Variants in TRPC3 observed in about 807,000 individuals in gnomAD.
TRPC3 encodes the protein short transient receptor potential channel 3.
Under a neutral mutation model 90.9 loss-of-function variants are expected in TRPC3, and 54 were observed. That is an observed-to-expected ratio of 0.59 (90% confidence interval 0.48 to 0.75). The LOEUF (loss-of-function observed/expected upper bound fraction) is 0.75, where lower values mean the gene tolerates loss of function less well. Among genes scored for constraint, TRPC3 ranks in the 30% least tolerant of loss-of-function variants. TRPC3 has a pLI of 0.00. For synonymous variants in TRPC3, 424 were observed against 450.9 expected, an observed-to-expected ratio of 0.94 and a Z score of 0.75; for missense variants, 918 against 1,194.5, an observed-to-expected ratio of 0.77 and a Z score of 3.41.
chr4:121,877,418 C>G lies in TRPC3; in HGVS notation c.*2318G>C, dbSNP rs1578587329. The stretch of plus-strand genomic sequence containing the variant: ...CTGAATAGTTGGCCCCATCTTGAGA[C>G]AAGGGGCCAGCCCTTTGTGCCCCCA... On this transcript the variant is annotated 3_prime_UTR_variant, in exon 12 of 12. Coordinates refer to ENST00000379645, the MANE Select transcript of TRPC3 (RefSeq NM_001130698.2). Among the ~76,000 whole-genome samples the G allele has an allele frequency of 6.6e-6, 1 of 152,176 alleles. No individual in the cohort carries two copies. Among genetic ancestry groups the G allele is most frequent in the African/African-American group, 2.4e-5 (1 of 41,448 alleles).
At chr4:121,938,205 C>T (rs1560717028) in intron 1 of TRPC3, among the ~76,000 whole-genome samples, 1 of 152,064 alleles carries the variant, frequency 6.6e-6, no homozygotes, top group Non-Finnish European at 1.5e-5. Context: ...TTCCTAGATC[C>T]CATCCTCTCA....
chr4:121,949,730 A>G (rs1730619487), intron 1 of TRPC3, among the ~76,000 whole-genome samples: 1 of 152,186 alleles, frequency 6.6e-6, no homozygotes, highest in Admixed American at 6.5e-5. Flanking sequence ...CCTCTACAAA[A>G]TAAGTATACC....
chr4:121,932,502 C>T lies in TRPC3; in HGVS notation c.756G>A (p.Leu252=), dbSNP rs1729976092. The T allele has an allele frequency of 1.2e-6, 2 of 1,614,228 alleles. No individual in the cohort carries two copies. The highest frequency in any genetic ancestry group is 1.7e-6 in the Non-Finnish European group (2 of 1,180,040). ...HCQKYEVVHM[L]LMKGARIERP... Reference sequence around the variant, plus strand: ...GCTCGATCCTGGCACCCTTCATCAGCAGCATGTGCACCACTTCGTATTTCT... The same window carrying T: ...GCTCGATCCTGGCACCCTTCATCAGTAGCATGTGCACCACTTCGTATTTCT... Residue 252 remains leucine, a synonymous_variant, in exon 2 of 12, where the codon CTG becomes CTA. Coordinates refer to ENST00000379645, the MANE Select transcript of TRPC3 (RefSeq NM_001130698.2). This position sits in a 1 kb window ranked among gnomAD's most constrained non-coding sequence, Gnocchi z 7.7.
rs1362373950 is a variant in TRPC3, at chr4:121,877,890, C to G, written c.*1846G>C. 6.6e-6 allele frequency among the ~76,000 whole-genome samples: 1 copy of G among 151,870 alleles called. No homozygotes were observed. The highest frequency in any genetic ancestry group is 1.5e-5 in the Non-Finnish European group (1 of 68,000). ...TTCCAAGAATCTTAGGCTGAATGTC[C>G]CCAGCTGAATCTGCCACTTTTTCAT... On this transcript the variant is annotated 3_prime_UTR_variant, in exon 12 of 12. Transcript: ENST00000379645.
intron 2 of TRPC3, among the ~76,000 whole-genome samples, chr4:121,927,889 G>T (rs950418667): frequency 6.6e-6 from 1 of 152,174 alleles, no homozygotes; most frequent in African/African-American, 2.4e-5. Context: ...ATATCCATCT[G>T]CTTTCCATTC....
Position 121,932,243 on chromosome 4 carries a change from A to G in TRPC3, c.987+28T>C. On this transcript the variant is annotated intron_variant, in intron 2 of 11. Transcript: ENST00000379645. This position sits in a 1 kb window ranked among gnomAD's most constrained non-coding sequence, Gnocchi z 7.7. ...GCGGGGAAGTTGGGTGAGCACACAGAGCAGCCGGGGTAGAGCGCAAAGCTT... is the reference window on the plus strand; with the variant it reads ...GCGGGGAAGTTGGGTGAGCACACAGGGCAGCCGGGGTAGAGCGCAAAGCTT... 3 of 1,602,850 alleles carry G rather than the reference A, an allele frequency of 1.9e-6. No individual in the cohort carries two copies. Among genetic ancestry groups the G allele is most frequent in the Middle Eastern group, 1.7e-4 (1 of 5,974 alleles).
intron 1 of TRPC3, among the ~76,000 whole-genome samples, chr4:121,944,258 C>T (rs1020907470): frequency 6.6e-6 from 1 of 152,158 alleles, no homozygotes; most frequent in African/African-American, 2.4e-5. Context: ...AGCAGCCATT[C>T]ATCATTCCTT....
In TRPC3 at chr4:121,924,741, A is replaced by G. The variant is rs115769491; in HGVS notation, c.1176+277T>C. On this transcript the variant is annotated intron_variant, in intron 3 of 11. Coordinates refer to ENST00000379645, the MANE Select transcript of TRPC3 (RefSeq NM_001130698.2). ...TTTTTAGTAGAGACAGGGTCTCGCT[A>G]TGTTGCCCAGCTGGTCTTGAACGCC... is the stretch of plus-strand genomic sequence containing the variant. 5.2e-3 allele frequency among the ~76,000 whole-genome samples: 797 copies of G among 152,182 alleles called. 8 individuals are homozygous for G. The highest frequency in any genetic ancestry group is 0.018 in the African/African-American group (748 of 41,522).
chr4:121,907,079 T>C (rs1234002475), intron 7 of TRPC3, among the ~76,000 whole-genome samples: 1 of 152,106 alleles, frequency 6.6e-6, no homozygotes, highest in Non-Finnish European at 1.5e-5. Context: ...CAGTTTTGTC[T>C]AGGGTTTTTC....
intron 4 of TRPC3, among the ~76,000 whole-genome samples, chr4:121,913,867 A>G (rs554228554): frequency 5.9e-5 from 9 of 152,368 alleles, no homozygotes; most frequent in African/African-American, 1.9e-4. Flanking sequence ...TGGTGTTTGC[A>G]GAGCAGAACT....
chr4:121,913,598 C>T lies in TRPC3; in HGVS notation c.1341+1182G>A, dbSNP rs1729187881. 2.0e-5 allele frequency among the ~76,000 whole-genome samples: 3 copies of T among 152,216 alleles called. No individual in the cohort carries two copies. In the South Asian group the frequency reaches 6.2e-4, roughly 31 times the overall value. On this transcript the variant is annotated intron_variant, in intron 4 of 11. Transcript: ENST00000379645. ...AGAGACAAACATTTCTAAACCTGAA[C>T]TTTCCAACTCATTTCCTTCAGAAAA...
intron 10 of TRPC3, among the ~76,000 whole-genome samples, chr4:121,892,416 T>G (rs1728361661): frequency 1.3e-5 from 2 of 152,200 alleles, no homozygotes; most frequent in Admixed American, 1.3e-4. Flanking sequence ...ACTTTCTAAC[T>G]GTATTTTGGA....
rs1053408851 is a variant in TRPC3, at chr4:121,875,486, A to G, written c.*4250T>C. Among the ~76,000 whole-genome samples the G allele has an allele frequency of 6.6e-6, 1 of 152,194 alleles. No individual in the cohort carries two copies. The highest frequency in any genetic ancestry group is 1.5e-5 in the Non-Finnish European group (1 of 68,036). On this transcript the variant is annotated 3_prime_UTR_variant, in exon 12 of 12. Transcript: ENST00000379645. ...AGGAATTTTTATTCACAATAAAGAA[A>G]ATGTCAAGTTAAATTACCACTGTGT...
rs1727787882 is a variant in TRPC3 at position 121,877,214 on chromosome 4, T to G, written c.*2522A>C. ...TTAATACCTTATGGCTTAGTGTGAG[T>G]TCCCTAAAAGCAAAACCTAATAAGA... On this transcript the variant is annotated 3_prime_UTR_variant, in exon 12 of 12. Coordinates refer to ENST00000379645, the MANE Select transcript of TRPC3 (RefSeq NM_001130698.2). Among the ~76,000 whole-genome samples, 1 of 152,126 alleles carries G rather than the reference T, an allele frequency of 6.6e-6. No individual in the cohort carries two copies. The highest frequency in any genetic ancestry group is 1.5e-5 in the Non-Finnish European group (1 of 68,020).
intron 10 of TRPC3, among the ~76,000 whole-genome samples, 170 bp from the exon 11 acceptor site, chr4:121,882,599 C>T (rs1727981601): frequency 6.6e-6 from 1 of 152,072 alleles, no homozygotes; most frequent in African/African-American, 2.4e-5. Flanking sequence ...TCTCTTAATG[C>T]CTTCTACTGA....
chr4:121,882,936 A>T (rs1008906353), intron 10 of TRPC3, among the ~76,000 whole-genome samples: 3 of 152,012 alleles, frequency 2.0e-5, no homozygotes, highest in African/African-American at 7.2e-5. Flanking sequence ...CTTTTCTTTA[A>T]AATTTGTATA....
intron 1 of TRPC3, among the ~76,000 whole-genome samples, chr4:121,947,430 A>T (rs1446717127): frequency 6.6e-6 from 1 of 152,076 alleles, no homozygotes; most frequent in Non-Finnish European, 1.5e-5. Flanking sequence ...GCCAACACAC[A>T]CGCTAAGCCA....
At chr4:121,925,881 A>C (rs1001762572) in intron 2 of TRPC3, among the ~76,000 whole-genome samples, 10 of 152,226 alleles carry the variant, frequency 6.6e-5, no homozygotes, top group Non-Finnish European at 1.3e-4. Context: ...CAAAAGACCA[A>C]AGGATCAAAG....
At chr4:121,938,969 T>C (rs571914430) in intron 1 of TRPC3, among the ~76,000 whole-genome samples, 67 of 152,344 alleles carry the variant, frequency 4.4e-4, no homozygotes, top group Admixed American at 2.2e-3. Flanking sequence ...CTAGCCAACC[T>C]TCCTTCCCTT....
Sources: gnomAD v4.1 joint callset for allele counts (sites outside exome capture counted in the v4.1 genomes callset) on GRCh38, gnomAD v4.1.1 for gene constraint, Gnocchi (gnomAD v3.1) non-coding constraint, MANE v1.5 for transcripts, NCBI Gene and HGNC (gene_info 2026-07-23, HGNC 2026-07-21) for gene names.